NF2: variants seen among roughly 807,000 people sequenced by gnomAD.
NF2 encodes merlin.
Under a neutral mutation model 83.7 loss-of-function variants are expected in NF2, and 8 were observed. The ratio of observed to expected loss-of-function variants is 0.10; its 90% CI spans 0.06 to 0.17. NF2 has a LOEUF of 0.17. Ranked by LOEUF, NF2 falls within the 10% of genes least tolerant of loss-of-function variation. NF2 has a pLI of 1.00. For synonymous variants in NF2, 266 were observed against 269.6 expected, an observed-to-expected ratio of 0.99 and a Z score of 0.13; for missense variants, 533 against 744.4, an observed-to-expected ratio of 0.72 and a Z score of 3.31.
At chr22:29,612,228 G>T (rs1243538421) in intron 1 of NF2, among the ~76,000 whole-genome samples, 1 of 152,056 alleles carries the variant, frequency 6.6e-6, no homozygotes, top group Non-Finnish European at 1.5e-5. Context: ...GGCTGGTCTC[G>T]AACTCCTGAC....
intron 1 of NF2, among the ~76,000 whole-genome samples, chr22:29,630,214 T>A (rs533825636): frequency 1.3e-5 from 2 of 152,326 alleles, no homozygotes; most frequent in Admixed American, 6.5e-5. Context: ...ACTCAATCAG[T>A]CCTGCAGGTT....
At chr22:29,687,039 G>A (rs1362628352) in intron 15 of NF2, among the ~76,000 whole-genome samples, 2 of 152,150 alleles carry the variant, frequency 1.3e-5, no homozygotes, top group Non-Finnish European at 2.9e-5. Flanking sequence ...ACCATACCTT[G>A]ATGGTAGAAT....
intron 1 of NF2, among the ~76,000 whole-genome samples, chr22:29,630,100 C>G (rs1488695243): frequency 2.0e-5 from 3 of 152,070 alleles, no homozygotes; most frequent in Non-Finnish European, 4.4e-5. Flanking sequence ...ATGCAGCTGT[C>G]AAAGCAAAAA....
At position 29,644,895 on chromosome 22, in the gene NF2, TGAGAGGGAGACCGTGGAAAGAGAGG is replaced by T. The variant is rs535156552; in HGVS notation, c.447+2623_447+2647del. Among the ~76,000 whole-genome samples, 793 of 151,928 alleles carry T rather than the reference TGAGAGGGAGACCGTGGAAAGAGAGG, an allele frequency of 5.2e-3. 6 individuals are homozygous for T. The highest frequency in any genetic ancestry group is 0.022 in the South Asian group (105 of 4,794). On this transcript the variant is annotated intron_variant, in intron 4 of 15. Transcript: ENST00000338641. The stretch of plus-strand genomic sequence containing the variant: ...AGTATAGTCCAGCTTTGGCTCGGCA[TGAGAGGGAGACCGTGGAAAGAGAGG>T]GAGAGGGAGACCATGGGGAGAGGGA...
intron 4 of NF2, among the ~76,000 whole-genome samples, chr22:29,647,877 A>G (rs904845151): frequency 3.3e-5 from 5 of 152,202 alleles, no homozygotes; most frequent in Non-Finnish European, 5.9e-5. Flanking sequence ...AACAGTGCTC[A>G]AATGAAGATC....
At chr22:29,640,182 G>A (rs2065767549) in intron 3 of NF2, among the ~76,000 whole-genome samples, 2 of 126,102 alleles carry the variant, frequency 1.6e-5, no homozygotes, top group South Asian at 5.6e-4. Context: ...GTGACAGAGT[G>A]AGACTCTGTC....
rs897542710 is a variant in NF2, at chr22:29,603,645, G to T, written c.-354G>T. The T allele has an allele frequency of 4.9e-5, 20 of 406,716 alleles. No homozygotes were observed. The highest frequency in any genetic ancestry group is 3.5e-4 in the African/African-American group (17 of 48,596). The allele number at this position is 406,716 out of a possible 1,614,324, so 25.2% of individuals were successfully genotyped here. A position where few individuals can be genotyped will look rare whatever the true frequency, so the allele number is the denominator to read the frequency against. ...GCAGCGCGGCCCCGTGACCCTAGTC[G>T]GCCGCTGAGAGGCGCGCGGAGTCTG... On this transcript the variant is annotated 5_prime_UTR_variant, in exon 1 of 16. Coordinates refer to ENST00000338641, the MANE Select transcript of NF2 (RefSeq NM_000268.4).
intron 1 of NF2, among the ~76,000 whole-genome samples, chr22:29,606,731 C>T (rs2064808515): frequency 6.6e-6 from 1 of 152,088 alleles, no homozygotes; most frequent in South Asian, 2.1e-4. Flanking sequence ...CTGGAAGAAG[C>T]CATTCTAGGA....
intron 15 of NF2, among the ~76,000 whole-genome samples, chr22:29,686,545 A>G (rs1270752129): frequency 6.6e-6 from 1 of 152,232 alleles, no homozygotes; most frequent in African/African-American, 2.4e-5. Flanking sequence ...AGGCTGAGGC[A>G]GGAGAATTGC....
rs1351718417 is a variant in NF2, at chr22:29,603,995, CGCCATGGCCGGG to C, written c.3_14del (p.MetAlaGlyAla1_?4). The stretch of plus-strand genomic sequence containing the variant: ...GCGAGGGTCCCGGGCCTGAGCCCCG[CGCCATGGCCGGG>C]GCCATCGCTTCCCGCATGAGCTTCA... On this transcript the variant is annotated start_lost and 5_prime_UTR_variant, in exon 1 of 16. Transcript: ENST00000338641. The C allele has an allele frequency of 1.3e-6, 2 of 1,572,652 alleles. No individual in the cohort carries two copies. Among genetic ancestry groups the C allele is most frequent in the Admixed American group, 3.7e-5 (2 of 53,788 alleles).
intron 13 of NF2, among the ~76,000 whole-genome samples, chr22:29,677,040 G>A (rs1356156429): frequency 1.6e-5 from 2 of 125,604 alleles, no homozygotes; most frequent in Admixed American, 7.8e-5. Flanking sequence ...CCTTGAGAAT[G>A]TCTCAAATGA....
intron 4 of NF2, among the ~76,000 whole-genome samples, chr22:29,643,837 G>A (rs35071264): frequency 6.6e-6 from 1 of 152,188 alleles, no homozygotes; most frequent in Non-Finnish European, 1.5e-5. Context: ...TGGCCGGGCA[G>A]AGGGGCTCCT....
chr22:29,687,884 G>T (rs1421551397), intron 15 of NF2, among the ~76,000 whole-genome samples: 2 of 152,192 alleles, frequency 1.3e-5, no homozygotes, highest in Non-Finnish European at 2.9e-5. Context: ...TTGCAGTGGC[G>T]ATCTGAACTC....
intron 1 of NF2, among the ~76,000 whole-genome samples, chr22:29,631,134 T>G (rs1490876761): frequency 6.6e-6 from 1 of 152,218 alleles, no homozygotes; most frequent in Non-Finnish European, 1.5e-5. Context: ...TATTCAGTAC[T>G]GCATTGAACA....
Position 29,696,393 on chromosome 22 carries a change from C to G in NF2, c.*1591C>G, listed in dbSNP as rs1406588895. On this transcript the variant is annotated 3_prime_UTR_variant, in exon 16 of 16. Coordinates refer to ENST00000338641, the MANE Select transcript of NF2 (RefSeq NM_000268.4). ...GATGCTGCTGTGGCCAGCCAGGGCC[C>G]TTGAGATCCTTCCAGTTTGGCTGTT... is the stretch of plus-strand genomic sequence containing the variant. 1 of 224,244 alleles carries G rather than the reference C, an allele frequency of 4.5e-6. No homozygotes were observed. Among genetic ancestry groups the G allele is most frequent in the Non-Finnish European group, 8.9e-6 (1 of 112,394 alleles). The allele number at this position is 224,244 out of a possible 1,614,324, so 13.9% of individuals were successfully genotyped here. A position where few individuals can be genotyped will look rare whatever the true frequency, so the allele number is the denominator to read the frequency against.
intron 1 of NF2, 115 bp downstream of exon 1, chr22:29,604,227 C>A: frequency 1.2e-6 from 1 of 836,354 alleles, no homozygotes; most frequent in Non-Finnish European, 2.0e-6. Context: ...GAAGGGCCAA[C>A]TAGGCCCAAA....
chr22:29,648,096 A>G (rs1249585645), intron 4 of NF2, among the ~76,000 whole-genome samples: 1 of 151,802 alleles, frequency 6.6e-6, no homozygotes, highest in Non-Finnish European at 1.5e-5. Flanking sequence ...ACACCACTGC[A>G]CTCCAGCCTG....
At chr22:29,638,027 T>G (rs1378735006) in intron 2 of NF2, among the ~76,000 whole-genome samples, 8 of 152,202 alleles carry the variant, frequency 5.3e-5, no homozygotes, top group Admixed American at 5.2e-4. Flanking sequence ...GATATTAGAC[T>G]GGGGGCATCA....
rs773296925 is a variant in NF2, at chr22:29,673,377, C to G, written c.1231C>G (p.Arg411Gly). Reference sequence around the variant, plus strand: ...CGCAGAGGCTGAGCAGGAAATGCAGCGCATCAAGGCCACAGCGATTCGCAC... The same window carrying G: ...CGCAGAGGCTGAGCAGGAAATGCAGGGCATCAAGGCCACAGCGATTCGCAC... ...KAAEAEQEMQ[R>G]IKATAIRTEE... Residue 411 changes from arginine (R) to glycine (G), a missense_variant, in exon 12 of 16, where the codon CGC becomes GGC. Around this residue, in one of 3 missense-constraint regions of NF2, gnomAD observed 199 missense variants for 240.7 expected, o/e 0.83. Transcript: ENST00000338641. The G allele has an allele frequency of 6.2e-7, 1 of 1,610,710 alleles. No homozygotes were observed. The highest frequency in any genetic ancestry group is 2.2e-5 in the East Asian group (1 of 44,772).
Sources: allele counts gnomAD v4.1 joint callset (sites outside exome capture counted in the v4.1 genomes callset), GRCh38; gene constraint gnomAD v4.1.1; regional missense constraint gnomAD v4.1.1; transcripts MANE v1.5; gene names NCBI Gene and HGNC (gene_info 2026-07-23, HGNC 2026-07-21).